Variants in GAS2 observed in about 807,000 individuals in gnomAD.
GAS2 encodes the protein growth arrest specific 2, also known as growth arrest-specific protein 2.
In GAS2, 20 loss-of-function variants were observed where a neutral mutation model predicts 37.5. That is an observed-to-expected ratio of 0.53 (90% CI 0.37 to 0.77). The LOEUF is 0.77. Ranked by LOEUF, GAS2 falls within the 30% of genes least tolerant of loss-of-function variation. The pLI, the probability that GAS2 is intolerant of heterozygous loss-of-function variation, is 0.00. For synonymous variants in GAS2, 144 were observed against 132.2 expected, an observed-to-expected ratio of 1.09 and a Z score of -0.61; for missense variants, 336 against 373.4, an observed-to-expected ratio of 0.90 and a Z score of 0.82.
intron 5 of GAS2, among the ~76,000 whole-genome samples, chr11:22,739,846 T>G (rs558158279): frequency 6.6e-6 from 1 of 152,150 alleles, no homozygotes; most frequent in East Asian, 1.9e-4. Context: ...CTTCTGAAAG[T>G]TGTGATACAG....
At chr11:22,787,716 A>C (rs200218458) in intron 7 of GAS2, among the ~76,000 whole-genome samples, 2 of 152,200 alleles carry the variant, frequency 1.3e-5, no homozygotes, top group Admixed American at 1.3e-4. Context: ...ACAATGCAGC[A>C]CTGCATTTTT....
At chr11:22,713,674 CT>C (rs1416972625) in intron 3 of GAS2, among the ~76,000 whole-genome samples, 2 of 152,098 alleles carry the variant, frequency 1.3e-5, no homozygotes, top group Admixed American at 6.5e-5. Context: ...AGCAGAAACC[CT>C]GTAAACCAGA....
rs1033938722 is a variant in GAS2, at chr11:22,760,949, G to A, written c.723+4996G>A. 9.9e-5 allele frequency among the ~76,000 whole-genome samples: 15 copies of A among 152,192 alleles called. 1 individual carries two copies. The Middle Eastern group carries it at 0.014, about 138-fold the overall frequency. On this transcript the variant is annotated intron_variant, in intron 7 of 7. Coordinates refer to ENST00000454584, the MANE Select transcript of GAS2 (RefSeq NM_001143830.3). ...CCTTTTGCTGAGCTTCCTATCTTCC[G>A]GAAAATGGTGGGGAGGTTTTTTGGA...
intron 7 of GAS2, 57 bp from the exon 8 acceptor site, chr11:22,811,739 GAT>G (rs1857179301): frequency 2.7e-6 from 4 of 1,488,080 alleles, no homozygotes; most frequent in Non-Finnish European, 3.7e-6. Context: ...ACCAGGGGTT[GAT>G]TCAAGGTACT....
At chr11:22,689,546 G>T (rs1850133849) in intron 3 of GAS2, among the ~76,000 whole-genome samples, 1 of 152,102 alleles carries the variant, frequency 6.6e-6, no homozygotes, top group Non-Finnish European at 1.5e-5. Flanking sequence ...AGGCCAGAGG[G>T]TTAGTATGTA....
At chr11:22,758,391 T>C (rs1854167162) in intron 7 of GAS2, among the ~76,000 whole-genome samples, 1 of 152,232 alleles carries the variant, frequency 6.6e-6, no homozygotes, top group African/African-American at 2.4e-5. Flanking sequence ...ACAGTATTTA[T>C]GTATATTATT....
Position 22,674,884 on chromosome 11 carries a change from G to C in GAS2, c.15G>C (p.Leu5=). The C allele has an allele frequency of 6.2e-7, 1 of 1,610,780 alleles. No individual in the cohort carries two copies. The highest frequency in any genetic ancestry group is 8.5e-7 in the Non-Finnish European group (1 of 1,178,704). Residue 5 remains leucine, a synonymous_variant, in exon 2 of 8, where the codon CTG becomes CTC. Coordinates refer to ENST00000454584, the MANE Select transcript of GAS2 (RefSeq NM_001143830.3). ...GTGGATAAATAATGTGCACTGCTCT[G>C]AGCCCAAAGGTACGCAGTGGACCTG... is the stretch of plus-strand genomic sequence containing the variant. MCTA[L]SPKVRSGPGL...
intron 5 of GAS2, among the ~76,000 whole-genome samples, chr11:22,738,492 AT>A (rs1306543829): frequency 6.6e-6 from 1 of 152,208 alleles, no homozygotes; most frequent in African/African-American, 2.4e-5. Flanking sequence ...AGAACAAGAA[AT>A]GAAGATACAA....
At chr11:22,658,765 A>G (rs1295674786) in intron 1 of GAS2, among the ~76,000 whole-genome samples, 2 of 152,098 alleles carry the variant, frequency 1.3e-5, no homozygotes, top group Non-Finnish European at 2.9e-5. Flanking sequence ...AGAGAAAAGA[A>G]TAACCACTCG....
intron 3 of GAS2, among the ~76,000 whole-genome samples, chr11:22,708,251 G>A (rs1443399819): frequency 6.6e-6 from 1 of 152,088 alleles, no homozygotes; most frequent in Non-Finnish European, 1.5e-5. Flanking sequence ...AAGATATGTA[G>A]GTGGATATTA....
intron 4 of GAS2, among the ~76,000 whole-genome samples, chr11:22,727,170 G>T (rs1452497828): frequency 6.6e-6 from 1 of 152,008 alleles, no homozygotes; most frequent in African/African-American, 2.4e-5. Flanking sequence ...AACTTTCCAT[G>T]TAGGCTCCAC....
At chr11:22,801,424 C>T (rs1233798122) in intron 7 of GAS2, among the ~76,000 whole-genome samples, 1 of 149,278 alleles carries the variant, frequency 6.7e-6, no homozygotes, top group Non-Finnish European at 1.5e-5. Flanking sequence ...AGCTAAGAAA[C>T]TTGATTGGGG....
intron 1 of GAS2, among the ~76,000 whole-genome samples, chr11:22,642,004 A>G (rs1366242284): frequency 6.6e-6 from 1 of 152,210 alleles, no homozygotes; most frequent in East Asian, 1.9e-4. Flanking sequence ...AATGGTGGAA[A>G]TATTTGTAGA....
At position 22,757,984 on chromosome 11, in the gene GAS2, C is replaced by T. The variant is rs186107752; in HGVS notation, c.723+2031C>T. On this transcript the variant is annotated intron_variant, in intron 7 of 7. Transcript: ENST00000454584. The stretch of plus-strand genomic sequence containing the variant: ...TGTATATTTTTCCCTATTTCCTCCT[C>T]TGTGTTAACTAGAAAAACTAAACAT... Among the ~76,000 whole-genome samples the T allele has an allele frequency of 2.0e-5, 3 of 152,238 alleles. No homozygotes were observed. In the East Asian group the frequency reaches 5.8e-4, roughly 29 times the overall value.
At chr11:22,645,432 G>C (rs1014031677) in intron 1 of GAS2, among the ~76,000 whole-genome samples, 2 of 151,996 alleles carry the variant, frequency 1.3e-5, no homozygotes, top group Non-Finnish European at 2.9e-5. Flanking sequence ...GCTTGAACCC[G>C]GGAGGCAGAG....
chr11:22,745,705 G>T (rs1853358720), intron 5 of GAS2, among the ~76,000 whole-genome samples: 1 of 152,060 alleles, frequency 6.6e-6, no homozygotes, highest in Non-Finnish European at 1.5e-5. Flanking sequence ...CCTGACAAAG[G>T]TCTAATATCC....
chr11:22,637,733 AATT>A (rs973832558), intron 1 of GAS2, among the ~76,000 whole-genome samples: 28 of 142,178 alleles, frequency 2.0e-4, no homozygotes, highest in African/African-American at 5.7e-4. Context: ...TAGTAATAAT[AATT>A]ATTTATATTT....
intron 3 of GAS2, among the ~76,000 whole-genome samples, chr11:22,697,259 A>C (rs1305552699): frequency 6.6e-6 from 1 of 151,696 alleles, no homozygotes; most frequent in Admixed American, 6.6e-5. Flanking sequence ...GTTGTAGATA[A>C]GTGGCGTTAT....
intron 7 of GAS2, 44 bp downstream of exon 7, chr11:22,755,997 C>T: frequency 7.3e-7 from 1 of 1,373,852 alleles, no homozygotes; most frequent in Non-Finnish European, 1.0e-6. Context: ...TGGGAAGATT[C>T]AGAATTTGAG....
Sources: gnomAD v4.1 joint callset for allele counts (sites outside exome capture counted in the v4.1 genomes callset) on GRCh38, gnomAD v4.1.1 for gene constraint, MANE v1.5 for transcripts, NCBI Gene and HGNC (gene_info 2026-07-23, HGNC 2026-07-21) for gene names.